MIPOL1: variants seen among roughly 807,000 people sequenced by gnomAD.
MIPOL1 encodes the protein mirror-image polydactyly gene 1 protein.
In MIPOL1, 57 loss-of-function variants were observed where a neutral mutation model predicts 60.9. The observed-to-expected ratio is 0.94, with a 90% CI of 0.76 to 1.17. The LOEUF (loss-of-function observed/expected upper bound fraction) is 1.17. Ranked by LOEUF, MIPOL1 falls within the 50% of genes most tolerant of loss-of-function variation. MIPOL1 has a pLI of 0.00. For synonymous variants in MIPOL1, 179 were observed against 168.8 expected, an observed-to-expected ratio of 1.06 and a Z score of -0.47; for missense variants, 551 against 511.6, an observed-to-expected ratio of 1.08 and a Z score of -0.74.
intron 9 of MIPOL1, among the ~76,000 whole-genome samples, chr14:37,350,161 T>G (rs1368671064): frequency 1.3e-5 from 2 of 152,186 alleles, no homozygotes; most frequent in East Asian, 3.9e-4. Context: ...AGCCTTAAAT[T>G]CCTGAACTCA....
intron 9 of MIPOL1, among the ~76,000 whole-genome samples, chr14:37,357,174 G>T (rs1301947038): frequency 1.3e-5 from 2 of 152,078 alleles, no homozygotes; most frequent in African/African-American, 4.8e-5. Context: ...ATTTTCTGAG[G>T]AACCTCCAAA....
At chr14:37,447,309 C>G (rs1015169575) in intron 11 of MIPOL1, among the ~76,000 whole-genome samples, 1 of 151,992 alleles carries the variant, frequency 6.6e-6, no homozygotes, top group Non-Finnish European at 1.5e-5. Flanking sequence ...CTTTTTATTT[C>G]TACACCTAAT....
intron 9 of MIPOL1, among the ~76,000 whole-genome samples, chr14:37,325,570 C>G (rs1029538356): frequency 1.2e-3 from 171 of 148,468 alleles, no homozygotes; most frequent in African/African-American, 4.1e-3. Flanking sequence ...TCCTTTCTTT[C>G]TCTTCTTCCT....
chr14:37,427,494 G>A (rs1324254141), intron 11 of MIPOL1, among the ~76,000 whole-genome samples: 1 of 152,136 alleles, frequency 6.6e-6, no homozygotes, highest in Non-Finnish European at 1.5e-5. Flanking sequence ...ATGAATAATG[G>A]TGACAATTGT....
At chr14:37,442,527 T>C (rs2094266378) in intron 11 of MIPOL1, among the ~76,000 whole-genome samples, 1 of 152,084 alleles carries the variant, frequency 6.6e-6, no homozygotes, top group Non-Finnish European at 1.5e-5. Context: ...GCTCTTATTA[T>C]CTTGAGTTAT....
At chr14:37,515,463 A>G (rs1268193815) in intron 12 of MIPOL1, among the ~76,000 whole-genome samples, 2 of 152,154 alleles carry the variant, frequency 1.3e-5, no homozygotes. Flanking sequence ...TACAATACAA[A>G]CTAATAGTTC....
At chr14:37,315,370 C>T (rs898362274) in intron 9 of MIPOL1, among the ~76,000 whole-genome samples, 1 of 152,098 alleles carries the variant, frequency 6.6e-6, no homozygotes, top group Non-Finnish European at 1.5e-5. Flanking sequence ...ACATAGGCAG[C>T]AGACAAGTCT....
chr14:37,372,966 A>T (rs1402721583), intron 10 of MIPOL1, among the ~76,000 whole-genome samples: 3 of 152,142 alleles, frequency 2.0e-5, no homozygotes, highest in Admixed American at 2.0e-4. Flanking sequence ...TTAAGAAATT[A>T]GTTTCTGGAA....
chr14:37,348,933 A>G (rs1172759521), intron 9 of MIPOL1, among the ~76,000 whole-genome samples: 2 of 132,646 alleles, frequency 1.5e-5, no homozygotes, highest in Non-Finnish European at 3.1e-5. Context: ...TGTTCAAGGG[A>G]TTCTCCTGCT....
chr14:37,273,186 A>G (rs1287843674), intron 6 of MIPOL1, among the ~76,000 whole-genome samples: 1 of 151,154 alleles, frequency 6.6e-6, no homozygotes. Context: ...GAAATAGGGG[A>G]AAAACTATAG....
chr14:37,340,657 C>A (rs2090500748), intron 9 of MIPOL1, among the ~76,000 whole-genome samples: 1 of 151,310 alleles, frequency 6.6e-6, no homozygotes, highest in Non-Finnish European at 1.5e-5. Flanking sequence ...TATGATCATG[C>A]CACCACACTC....
chr14:37,250,797 A>T (rs2153362524), intron 3 of MIPOL1, among the ~76,000 whole-genome samples: 1 of 152,210 alleles, frequency 6.6e-6, no homozygotes, highest in Non-Finnish European at 1.5e-5. Flanking sequence ...GTTAATTAAA[A>T]CTTGTATTAC....
intron 9 of MIPOL1, among the ~76,000 whole-genome samples, chr14:37,336,303 T>G (rs2090111787): frequency 6.6e-6 from 1 of 151,192 alleles, no homozygotes; most frequent in Non-Finnish European, 1.5e-5. Context: ...TCACACTGTT[T>G]TAATTACTAT....
intron 12 of MIPOL1, among the ~76,000 whole-genome samples, chr14:37,531,207 C>G (rs1207258853): frequency 9.2e-5 from 14 of 152,188 alleles, no homozygotes; most frequent in Admixed American, 9.2e-4. Context: ...ATTTGCCTCT[C>G]TTTGTTCCTG....
intron 9 of MIPOL1, among the ~76,000 whole-genome samples, chr14:37,363,636 C>T (rs979021728): frequency 5.9e-5 from 9 of 152,192 alleles, no homozygotes; most frequent in East Asian, 1.9e-4. Flanking sequence ...GCTCAAATGC[C>T]GTGCTGGGAG....
chr14:37,216,209 AG>A (rs1967668846), intron 1 of MIPOL1, among the ~76,000 whole-genome samples: 1 of 152,194 alleles, frequency 6.6e-6, no homozygotes, highest in Admixed American at 6.5e-5. Flanking sequence ...ATAATGAAAA[AG>A]GGGTCAATTC....
intron 1 of MIPOL1, among the ~76,000 whole-genome samples, chr14:37,216,788 A>G (rs1304805584): frequency 6.6e-6 from 1 of 152,218 alleles, no homozygotes; most frequent in Non-Finnish European, 1.5e-5. Flanking sequence ...CCAAAGCAGT[A>G]CTAAGAGGGA....
intron 7 of MIPOL1, 58 bp from the exon 8 acceptor site, chr14:37,307,998 C>A: frequency 7.0e-7 from 1 of 1,433,196 alleles, no homozygotes; most frequent in Non-Finnish European, 9.7e-7. Flanking sequence ...AAAGCGAACT[C>A]ATTTTGCTGC....
intron 12 of MIPOL1, among the ~76,000 whole-genome samples, chr14:37,537,871 T>G (rs1416371973): frequency 6.6e-6 from 1 of 152,216 alleles, no homozygotes; most frequent in Non-Finnish European, 1.5e-5. Context: ...AGAAATGGTC[T>G]GCAAACACAC....
Sources: gnomAD v4.1 joint callset for allele counts (sites outside exome capture counted in the v4.1 genomes callset) on GRCh38, gnomAD v4.1.1 for gene constraint, MANE v1.5 for transcripts, NCBI Gene and HGNC (gene_info 2026-07-23, HGNC 2026-07-21) for gene names.